VWA3A: variants seen among roughly 807,000 people sequenced by gnomAD.
The protein encoded by VWA3A is von Willebrand factor A domain containing 3A.
A neutral mutation model predicts 160.4 loss-of-function variants in VWA3A; 134 were observed. The ratio of observed to expected loss-of-function variants is 0.84; its 90% CI spans 0.73 to 0.96. The LOEUF (loss-of-function observed/expected upper bound fraction) is 0.96. Among genes scored for constraint, VWA3A ranks in the 40% least tolerant of loss-of-function variants. VWA3A has a pLI of 0.00. For missense variants in VWA3A, 1,310 were observed against 1,447.9 expected, an observed-to-expected ratio of 0.90 and a Z score of 1.55; for synonymous variants, 476 against 543.4, an observed-to-expected ratio of 0.88 and a Z score of 1.72.
At chr16:22,123,393 G>T in intron 15 of VWA3A, 2 of 1,451,874 alleles carry the variant, frequency 1.4e-6, no homozygotes, top group Non-Finnish European at 1.9e-6. Context: ...GGAAAGATCT[G>T]CTTCCTTCCC....
chr16:22,145,938 A>C (rs932425513), intron 26 of VWA3A, among the ~76,000 whole-genome samples: 1 of 151,932 alleles, frequency 6.6e-6, no homozygotes, highest in Admixed American at 6.6e-5. Context: ...CTCCCACCTC[A>C]GCCTCCCCCA....
At chr16:22,149,492 A>C (rs1287160638) in intron 28 of VWA3A, among the ~76,000 whole-genome samples, 1 of 152,108 alleles carries the variant, frequency 6.6e-6, no homozygotes, top group Non-Finnish European at 1.5e-5. Flanking sequence ...CAATCCTCCC[A>C]GCTTGGCCTT....
intron 27 of VWA3A, 100 bp from the exon 28 acceptor site, chr16:22,148,062 G>A (rs948043780): frequency 4.3e-6 from 6 of 1,402,966 alleles, no homozygotes; most frequent in Admixed American, 2.8e-5. Context: ...GGCAACAGGT[G>A]TCACAAGACT....
At chr16:22,139,414 G>A (rs1177169311) in intron 22 of VWA3A, among the ~76,000 whole-genome samples, 1 of 152,156 alleles carries the variant, frequency 6.6e-6, no homozygotes, top group Non-Finnish European at 1.5e-5. Flanking sequence ...GAGGTGTCTG[G>A]GCCAGGTGCA....
chr16:22,099,249 A>G (rs886280350), intron 3 of VWA3A, among the ~76,000 whole-genome samples: 4 of 152,220 alleles, frequency 2.6e-5, no homozygotes, highest in Non-Finnish European at 5.9e-5. Flanking sequence ...GTGCCTTTCA[A>G]GGGCAGGACA....
In VWA3A at chr16:22,117,162, A is replaced by G; in HGVS notation, c.976A>G (p.Ser326Gly). 6.3e-7 allele frequency: 1 copy of G among 1,581,574 alleles called. No individual in the cohort carries two copies. The highest frequency in any genetic ancestry group is 1.3e-5 in the African/African-American group (1 of 74,270). The change falls in exon 11 of 34, where the codon AGC (serine) becomes GGC (glycine). Residue 326 changes from serine to glycine, a missense_variant. Ser to Gly is a moderately conservative substitution (Grantham distance 56, BLOSUM62 0). Transcript: ENST00000389398. ...EAVRGYYHCYSPKMEHYTSRD... is the reference protein window; with the variant it reads ...EAVRGYYHCYGPKMEHYTSRD... ...TGTTAGGGGCTACTACCACTGCTAC[A>G]GCCCAAAGATGGAGGTAAGCCCTTC...
intron 24 of VWA3A, 80 bp downstream of exon 24, chr16:22,141,772 G>A: frequency 8.0e-7 from 1 of 1,251,562 alleles, no homozygotes; most frequent in South Asian, 1.4e-5. Context: ...CCGTGGGAAG[G>A]AGACCCCTCC....
intron 22 of VWA3A, 109 bp from the exon 23 acceptor site, chr16:22,140,045 A>T: frequency 9.5e-7 from 1 of 1,049,130 alleles, no homozygotes; most frequent in Non-Finnish European, 1.4e-6. Flanking sequence ...CCCCTCCCTT[A>T]GGCTCCTCCC....
intron 23 of VWA3A, 38 bp downstream of exon 23, chr16:22,140,282 T>G (rs765803174): frequency 6.9e-6 from 11 of 1,592,876 alleles, no homozygotes; most frequent in Non-Finnish European, 9.5e-6. Context: ...TGGAGGGATG[T>G]CACGGTCACG....
chr16:22,095,403 T>C (rs916325905), intron 1 of VWA3A, among the ~76,000 whole-genome samples: 2 of 151,874 alleles, frequency 1.3e-5, no homozygotes, highest in African/African-American at 4.8e-5. Flanking sequence ...AGTGGTGAAG[T>C]GGGAAATCTA....
At chr16:22,097,474 G>A in intron 2 of VWA3A, 98 bp from the exon 3 acceptor site, 1 of 1,452,426 alleles carries the variant, frequency 6.9e-7, no homozygotes, top group Non-Finnish European at 9.1e-7. Flanking sequence ...AATGTTTCTA[G>A]AATCCTTGTA....
chr16:22,101,370 AAATATATGCC>A (rs2045405770), intron 5 of VWA3A, among the ~76,000 whole-genome samples: 1 of 152,206 alleles, frequency 6.6e-6, no homozygotes, highest in South Asian at 2.1e-4. Context: ...ATAACTTTGC[AAATATATGCC>A]AAAAACATGC....
At chr16:22,093,067 G>A in intron 1 of VWA3A, among the ~76,000 whole-genome samples, 1 of 152,026 alleles carries the variant, frequency 6.6e-6, no homozygotes, top group East Asian at 1.9e-4. Context: ...ACCTCCCAGG[G>A]TAATTCAGCT....
chr16:22,150,154 C>T (rs938323363), intron 29 of VWA3A, among the ~76,000 whole-genome samples: 5 of 152,160 alleles, frequency 3.3e-5, no homozygotes, highest in Non-Finnish European at 1.5e-5. Flanking sequence ...GTAATCCCAG[C>T]ACTTTGGGAG....
rs747352653 is a variant in VWA3A at position 22,126,193 on chromosome 16, C to T, written c.1548C>T (p.Leu516=). 8.1e-6 allele frequency: 13 copies of T among 1,613,878 alleles called. No individual in the cohort carries two copies. In the East Asian group the frequency reaches 2.5e-4, roughly 30 times the overall value. Residue 516 remains leucine, a synonymous_variant, in exon 17 of 34, where the codon CTC becomes CTT. Transcript: ENST00000389398. ...TVCEKRVVVL[L]DISATNSMYI... ...TTCCTTTTAGGGTGGTTGTACTGCT[C>T]GATATCTCTGCGACCAATTCCATGT...
intron 21 of VWA3A, among the ~76,000 whole-genome samples, chr16:22,135,750 A>T (rs1567217099): frequency 6.6e-6 from 1 of 151,974 alleles, no homozygotes. Context: ...CAGACCTTTC[A>T]TGGCTTGCTC....
chr16:22,108,685 C>A (rs1290566620), intron 6 of VWA3A, among the ~76,000 whole-genome samples: 1 of 152,080 alleles, frequency 6.6e-6, no homozygotes, highest in African/African-American at 2.4e-5. Flanking sequence ...CCGAATGGAA[C>A]CTACTGCCCC....
At chr16:22,132,360 C>T (rs893170897) in intron 19 of VWA3A, among the ~76,000 whole-genome samples, 6 of 148,590 alleles carry the variant, frequency 4.0e-5, no homozygotes, top group Non-Finnish European at 7.4e-5. Context: ...CCAGCCTGGG[C>T]GACAAAAGCG....
chr16:22,109,432 A>G (rs1473005097), intron 6 of VWA3A, 50 bp from the exon 7 acceptor site: 13 of 1,444,048 alleles, frequency 9.0e-6, no homozygotes, highest in African/African-American at 4.2e-5. Flanking sequence ...TCAGTGTAGG[A>G]GACACACAGA....
Sources: allele counts gnomAD v4.1 joint callset (sites outside exome capture counted in the v4.1 genomes callset), GRCh38; gene constraint gnomAD v4.1.1; transcripts MANE v1.5; gene names NCBI Gene and HGNC (gene_info 2026-07-23, HGNC 2026-07-21).